Variants in ATP2C1 observed in about 807,000 individuals in gnomAD.
ATP2C1 encodes ATPase secretory pathway Ca2+ transporting 1.
Under a neutral mutation model 120.5 loss-of-function variants are expected in ATP2C1, and 31 were observed. The observed-to-expected ratio is 0.26, with a 90% CI of 0.19 to 0.35. The LOEUF (loss-of-function observed/expected upper bound fraction) is 0.35. ATP2C1 is among the 10% of genes least tolerant of loss of function. The pLI is 1.00. For synonymous variants in ATP2C1, 351 were observed against 358.7 expected, an observed-to-expected ratio of 0.98 and a Z score of 0.24; for missense variants, 731 against 1,107.5, an observed-to-expected ratio of 0.66 and a Z score of 4.83.
downstream of ATP2C1, among the ~76,000 whole-genome samples, chr3:131,003,696 G>A (rs1479975247): frequency 1.2e-4 from 18 of 152,110 alleles, no homozygotes; most frequent in Admixed American, 1.1e-3. Flanking sequence ...TTATATAGCA[G>A]TAACCACCCT....
At chr3:130,974,767 G>A (rs1190295712) in intron 17 of ATP2C1, among the ~76,000 whole-genome samples, 1 of 152,150 alleles carries the variant, frequency 6.6e-6, no homozygotes, top group Non-Finnish European at 1.5e-5. Context: ...AAACATGAGG[G>A]TAAATATCAG....
At chr3:130,954,616 G>A (rs1209419048) in intron 9 of ATP2C1, among the ~76,000 whole-genome samples, 1 of 152,098 alleles carries the variant, frequency 6.6e-6, no homozygotes, top group East Asian at 1.9e-4. Flanking sequence ...CTCCTGTGTA[G>A]TAGGGATTAC....
chr3:130,983,095 C>CATAT (rs199917612), intron 20 of ATP2C1, among the ~76,000 whole-genome samples: 4 of 151,060 alleles, frequency 2.6e-5, no homozygotes, highest in Non-Finnish European at 5.9e-5. Flanking sequence ...GCATAGCATG[C>CATAT]ATATATATAT....
In ATP2C1 at chr3:130,996,609, TA is replaced by T. The variant is rs1386154754; in HGVS notation, c.2127-65del. ...ATAGTAGTAAGAGATTTTTAAATGCTAAAAAAGTGGTATCATAGAATCAACA... is the reference window on the plus strand; with the variant it reads ...ATAGTAGTAAGAGATTTTTAAATGCTAAAAAGTGGTATCATAGAATCAACA... On this transcript the variant is annotated intron_variant, in intron 23 of 27. Coordinates refer to ENST00000510168, the MANE Select transcript of ATP2C1 (RefSeq NM_001378687.1). 8.0e-5 allele frequency: 83 copies of T among 1,037,806 alleles called. No individual in the cohort carries two copies. The East Asian group carries it at 1.9e-3, about 23-fold the overall frequency. The allele number at this position is 1,037,806 out of a possible 1,614,324, so 64.3% of individuals were successfully genotyped here.
At chr3:131,010,351 C>T (rs577995718) in intron 26 of ATP2C1, among the ~76,000 whole-genome samples, 94 of 152,058 alleles carry the variant, frequency 6.2e-4, no homozygotes, top group Admixed American at 1.4e-3. Context: ...CCACCACACC[C>T]GGCTGATATT....
chr3:130,938,837 A>G (rs954850791), intron 6 of ATP2C1, among the ~76,000 whole-genome samples: 1 of 152,364 alleles, frequency 6.6e-6, no homozygotes, highest in East Asian at 1.9e-4. Context: ...ATCACTATGT[A>G]TGGAAGACCT....
At chr3:130,903,484 G>T (rs181993209) in intron 2 of ATP2C1, among the ~76,000 whole-genome samples, 22 of 151,996 alleles carry the variant, frequency 1.4e-4, no homozygotes, top group African/African-American at 5.3e-4. Context: ...TTTTCATAAG[G>T]GTTTGGTTTG....
At chr3:130,908,411 A>G (rs1431726460) in intron 2 of ATP2C1, among the ~76,000 whole-genome samples, 2 of 152,014 alleles carry the variant, frequency 1.3e-5, no homozygotes, top group Non-Finnish European at 2.9e-5. Context: ...GTAAGGTGAC[A>G]TGGAGTCCAA....
At chr3:131,012,875 T>C (rs565815556) in intron 26 of ATP2C1, among the ~76,000 whole-genome samples, 11 of 152,342 alleles carry the variant, frequency 7.2e-5, no homozygotes, top group African/African-American at 2.6e-4. Context: ...TGACACTGGC[T>C]GATGCTGGGC....
chr3:130,989,915 T>G (rs1404468770), intron 20 of ATP2C1, among the ~76,000 whole-genome samples: 1 of 152,156 alleles, frequency 6.6e-6, no homozygotes, highest in East Asian at 1.9e-4. Flanking sequence ...AACTCAGTCT[T>G]TTTTTTAAAG....
chr3:130,982,232 A>G (rs1021506519), intron 20 of ATP2C1, among the ~76,000 whole-genome samples: 1 of 152,182 alleles, frequency 6.6e-6, no homozygotes, highest in Non-Finnish European at 1.5e-5. Context: ...TTCTTTGCAT[A>G]TAGATGTTCA....
intron 26 of ATP2C1, among the ~76,000 whole-genome samples, chr3:131,013,082 T>C (rs541624559): frequency 6.6e-6 from 1 of 152,314 alleles, no homozygotes; most frequent in East Asian, 1.9e-4. Context: ...AGGTTGAGTA[T>C]ATTTTCAGAT....
At chr3:130,888,195 G>T (rs2069044453) in intron 1 of ATP2C1, among the ~76,000 whole-genome samples, 1 of 152,128 alleles carries the variant, frequency 6.6e-6, no homozygotes, top group Non-Finnish European at 1.5e-5. Flanking sequence ...GACTGAGCTG[G>T]TATGCAAGAT....
chr3:130,866,980 G>T (rs1256525941), intron 1 of ATP2C1, among the ~76,000 whole-genome samples: 1 of 152,038 alleles, frequency 6.6e-6, no homozygotes. Context: ...AGTAATTCTT[G>T]CAATGTTTCA....
chr3:130,871,396 T>A (rs532272699), intron 1 of ATP2C1, among the ~76,000 whole-genome samples: 52 of 152,246 alleles, frequency 3.4e-4, no homozygotes, highest in African/African-American at 1.2e-3. Context: ...CCTAAAGGAC[T>A]AATTAAAACA....
chr3:130,905,739 A>G (rs57834694), intron 2 of ATP2C1, among the ~76,000 whole-genome samples: 1,833 of 152,170 alleles, frequency 0.012, 41 homozygotes, highest in African/African-American at 0.041. Context: ...TATGATAAAG[A>G]TGTGTTCTTA....
intron 1 of ATP2C1, among the ~76,000 whole-genome samples, chr3:130,862,876 G>A (rs1053769495): frequency 3.9e-5 from 6 of 152,228 alleles, no homozygotes; most frequent in Non-Finnish European, 7.3e-5. Context: ...TACCTGATAG[G>A]AGTAGAATTG....
At chr3:130,896,924 C>T (rs1276202668) in intron 2 of ATP2C1, among the ~76,000 whole-genome samples, 2 of 152,152 alleles carry the variant, frequency 1.3e-5, no homozygotes, top group Non-Finnish European at 2.9e-5. Flanking sequence ...TACCATTTGG[C>T]TTTGTGCATA....
intron 2 of ATP2C1, among the ~76,000 whole-genome samples, chr3:130,928,748 G>C (rs2059325775): frequency 6.6e-6 from 1 of 152,146 alleles, no homozygotes; most frequent in Non-Finnish European, 1.5e-5. Context: ...TATATATGAA[G>C]AAGATGAGGT....
Sources: allele counts gnomAD v4.1 joint callset (sites outside exome capture counted in the v4.1 genomes callset), GRCh38; gene constraint gnomAD v4.1.1; transcripts MANE v1.5; gene names NCBI Gene and HGNC (gene_info 2026-07-23, HGNC 2026-07-21).